The following SLC4A7 variants were observed in gnomAD, a reference collection of about 807,000 sequenced individuals.
The protein encoded by SLC4A7 is solute carrier family 4 member 7.
SLC4A7 carries 51 observed loss-of-function variants against 137.6 expected under a neutral mutation model. That is an observed-to-expected ratio of 0.37 (90% CI 0.30 to 0.47). SLC4A7 has a LOEUF of 0.47. Among genes scored for constraint, SLC4A7 ranks in the 20% least tolerant of loss-of-function variants. The pLI is 1.00. For missense variants in SLC4A7, 1,247 were observed against 1,525.4 expected, an observed-to-expected ratio of 0.82 and a Z score of 3.04; for synonymous variants, 542 against 518.6, an observed-to-expected ratio of 1.05 and a Z score of -0.61.
At chr3:27,447,421 T>A (rs544069471) in intron 3 of SLC4A7, among the ~76,000 whole-genome samples, 1 of 152,188 alleles carries the variant, frequency 6.6e-6, no homozygotes. Context: ...ATGCAGTAAC[T>A]ATATTATACA....
In SLC4A7 at chr3:27,438,420, G is replaced by A. The variant is rs375161953; in HGVS notation, c.290-894C>T. On this transcript the variant is annotated intron_variant, in intron 3 of 25. Transcript: ENST00000454389. ...CTCCGGAGGCTGAGGCAGGAGAATCGCTTGAACCCAGAAGGCGTAGGTTGC... is the reference window on the plus strand; with the variant it reads ...CTCCGGAGGCTGAGGCAGGAGAATCACTTGAACCCAGAAGGCGTAGGTTGC... Among the ~76,000 whole-genome samples, 30 of 151,996 alleles carry A rather than the reference G, an allele frequency of 2.0e-4. No homozygotes were observed. The East Asian group carries it at 4.4e-3, about 23-fold the overall frequency.
intron 1 of SLC4A7, among the ~76,000 whole-genome samples, chr3:27,457,793 A>G (rs2058490741): frequency 6.6e-6 from 1 of 152,134 alleles, no homozygotes; most frequent in African/African-American, 2.4e-5. Flanking sequence ...ACAATCTCAT[A>G]AGTCCAAGTA....
chr3:27,474,525 C>T (rs1274409419), intron 1 of SLC4A7, among the ~76,000 whole-genome samples: 1 of 152,114 alleles, frequency 6.6e-6, no homozygotes, highest in Non-Finnish European at 1.5e-5. Flanking sequence ...GTCTGGCCAA[C>T]ATAGTGAAAC....
intron 24 of SLC4A7, among the ~76,000 whole-genome samples, chr3:27,382,926 G>T (rs2150026452): frequency 6.6e-6 from 1 of 152,344 alleles, no homozygotes; most frequent in Middle Eastern, 3.4e-3. Context: ...GCTTGGCATG[G>T]AAGTTAGTTT....
At chr3:27,456,855 A>C in intron 1 of SLC4A7, 1 of 1,382,458 alleles carries the variant, frequency 7.2e-7, no homozygotes, top group East Asian at 2.7e-5. Context: ...CTAATCTTCC[A>C]AGCTAATAAC....
chr3:27,466,516 T>C (rs2059006529), intron 1 of SLC4A7, among the ~76,000 whole-genome samples: 1 of 151,730 alleles, frequency 6.6e-6, no homozygotes. Context: ...AGAAGATACG[T>C]TTTAAATTCT....
chr3:27,434,703 T>C (rs1294888255), intron 5 of SLC4A7, among the ~76,000 whole-genome samples: 2 of 152,188 alleles, frequency 1.3e-5, no homozygotes, highest in African/African-American at 4.8e-5. Flanking sequence ...GGGAAACTGA[T>C]GGCAATGCCA....
intron 1 of SLC4A7, among the ~76,000 whole-genome samples, chr3:27,477,984 G>T (rs1213159016): frequency 6.6e-6 from 1 of 152,104 alleles, no homozygotes; most frequent in Non-Finnish European, 1.5e-5. Flanking sequence ...TTCCAAGTGT[G>T]AATCTACTGT....
Position 27,394,872 on chromosome 3 carries a change from C to T in SLC4A7, c.2865+82G>A, listed in dbSNP as rs1207303536. 5.9e-6 allele frequency: 9 copies of T among 1,536,820 alleles called. No individual in the cohort carries two copies. In the East Asian group the frequency reaches 1.1e-4, roughly 19 times the overall value. On this transcript the variant is annotated intron_variant, in intron 19 of 25. Coordinates refer to ENST00000454389, the MANE Select transcript of SLC4A7 (RefSeq NM_001321103.2). Reference sequence around the variant, plus strand: ...AGGGAAGAAGCTAATTTTCATCTTACATCTTTTAATGTTCTAATCATTACA... The same window carrying T: ...AGGGAAGAAGCTAATTTTCATCTTATATCTTTTAATGTTCTAATCATTACA...
intron 15 of SLC4A7, chr3:27,401,156 T>C: frequency 4.2e-6 from 1 of 240,350 alleles, no homozygotes; most frequent in Non-Finnish European, 8.0e-6. Context: ...TTCCACCATG[T>C]TTAGCAAGAT....
At chr3:27,382,510 A>G (rs1270191912) in intron 24 of SLC4A7, among the ~76,000 whole-genome samples, 2 of 152,234 alleles carry the variant, frequency 1.3e-5, no homozygotes, top group African/African-American at 4.8e-5. Context: ...TTTTAAAACT[A>G]CAAAAGTCTG....
rs1243624175 is a variant in SLC4A7 at position 27,374,654 on chromosome 3, G to A, written c.*2110C>T. ...ATTTTGAGTGCAAAGTATTTTGCAA[G>A]TGACGGTTTTTCTGGCACTGGATAA... is the stretch of plus-strand genomic sequence containing the variant. On this transcript the variant is annotated 3_prime_UTR_variant, in exon 26 of 26. Transcript: ENST00000454389. 1.3e-5 allele frequency: 2 copies of A among 152,426 alleles called. No homozygotes were observed. The highest frequency in any genetic ancestry group is 2.9e-5 in the Non-Finnish European group (2 of 67,910). The allele number at this position is 152,426 out of a possible 1,614,324, so 9.4% of individuals were successfully genotyped here.
intron 1 of SLC4A7, among the ~76,000 whole-genome samples, chr3:27,478,400 T>C (rs934568718): frequency 6.0e-5 from 9 of 149,146 alleles, no homozygotes; most frequent in African/African-American, 2.2e-4. Context: ...CGCCTGTAAT[T>C]CCATCTACCT....
At chr3:27,382,520 G>A (rs1203093347) in intron 24 of SLC4A7, among the ~76,000 whole-genome samples, 3 of 152,126 alleles carry the variant, frequency 2.0e-5, no homozygotes, top group Non-Finnish European at 4.4e-5. Context: ...ACAAAAGTCT[G>A]CATTTCCCAA....
At chr3:27,440,094 A>G (rs1044873708) in intron 3 of SLC4A7, among the ~76,000 whole-genome samples, 2 of 152,218 alleles carry the variant, frequency 1.3e-5, no homozygotes, top group African/African-American at 4.8e-5. Context: ...TGCTAGTAAC[A>G]AATTTAATCC....
Position 27,420,163 on chromosome 3 carries a change from C to CA in SLC4A7, c.1512+536dup, listed in dbSNP as rs35662982. On this transcript the variant is annotated intron_variant, in intron 10 of 25. Coordinates refer to ENST00000454389, the MANE Select transcript of SLC4A7 (RefSeq NM_001321103.2). ...CTGGCAACAGAGTGAGACTCTGTCT[C>CA]AAAAAAAAAAAGAAAAGAAAAGAAA... 6.9e-4 allele frequency among the ~76,000 whole-genome samples: 94 copies of CA among 135,906 alleles called. 1 individual carries two copies. The highest frequency in any genetic ancestry group is 2.6e-3 in the Admixed American group (35 of 13,306). 89.2% of individuals were successfully genotyped at this position (135,906 alleles called of 152,430 possible). A position where few individuals can be genotyped will look rare whatever the true frequency, so the allele number is the denominator to read the frequency against.
At chr3:27,479,529 A>C (rs1197592536) in intron 1 of SLC4A7, among the ~76,000 whole-genome samples, 1 of 152,200 alleles carries the variant, frequency 6.6e-6, no homozygotes, top group Non-Finnish European at 1.5e-5. Flanking sequence ...GTCTACTCTA[A>C]TCAGCTAGCC....
chr3:27,447,586 C>A (rs1392606228), intron 3 of SLC4A7, among the ~76,000 whole-genome samples: 3 of 151,332 alleles, frequency 2.0e-5, no homozygotes, highest in Non-Finnish European at 1.5e-5. Flanking sequence ...ACTAATAATG[C>A]CCTGTATGCT....
intron 20 of SLC4A7, among the ~76,000 whole-genome samples, chr3:27,392,179 G>A (rs2051627935): frequency 6.6e-6 from 1 of 152,134 alleles, no homozygotes; most frequent in African/African-American, 2.4e-5. Flanking sequence ...CACAAAAAGT[G>A]ACAACCATTG....
Sources: allele counts gnomAD v4.1 joint callset (sites outside exome capture counted in the v4.1 genomes callset), GRCh38; gene constraint gnomAD v4.1.1; transcripts MANE v1.5; gene names NCBI Gene and HGNC (gene_info 2026-07-23, HGNC 2026-07-21).